CACNB4: variants seen among roughly 807,000 people sequenced by gnomAD.
CACNB4 encodes the protein voltage-dependent L-type calcium channel subunit beta-4.
Under a neutral mutation model 71.2 loss-of-function variants are expected in CACNB4, and 32 were observed. The ratio of observed to expected loss-of-function variants is 0.45; its 90% confidence interval spans 0.34 to 0.60. The LOEUF (loss-of-function observed/expected upper bound fraction) is 0.60, where lower values mean the gene tolerates loss of function less well. Among genes scored for constraint, CACNB4 ranks in the 20% least tolerant of loss-of-function variants. CACNB4 has a pLI of 0.01. For missense variants in CACNB4, 464 were observed against 647.9 expected, an observed-to-expected ratio of 0.72 and a Z score of 3.08; for synonymous variants, 231 against 236.9, an observed-to-expected ratio of 0.97 and a Z score of 0.23.
At chr2:152,085,911 A>T (rs182060379) in intron 2 of CACNB4, among the ~76,000 whole-genome samples, 5 of 152,218 alleles carry the variant, frequency 3.3e-5, no homozygotes, top group Admixed American at 3.3e-4. Flanking sequence ...TATTACATTT[A>T]TTATACCACA....
intron 2 of CACNB4, among the ~76,000 whole-genome samples, chr2:151,983,363 T>C (rs1466601755): frequency 1.3e-5 from 2 of 152,212 alleles, no homozygotes; most frequent in East Asian, 1.9e-4. Flanking sequence ...TGATTGGTCA[T>C]TTCCTTTGCA....
intron 2 of CACNB4, among the ~76,000 whole-genome samples, chr2:152,019,840 TCA>T (rs1560137223): frequency 6.6e-6 from 1 of 152,130 alleles, no homozygotes; most frequent in Non-Finnish European, 1.5e-5. Context: ...TCTGGAAATG[TCA>T]AACAACTCAC....
In CACNB4 at chr2:152,098,480, C is replaced by G; in HGVS notation, c.64-67G>C. The G allele has an allele frequency of 6.8e-7, 1 of 1,473,892 alleles. No homozygotes were observed. Among genetic ancestry groups the G allele is most frequent in the Non-Finnish European group, 9.5e-7 (1 of 1,053,910 alleles). 91.3% of individuals were successfully genotyped at this position (1,473,892 alleles called of 1,614,324 possible). A position where few individuals can be genotyped will look rare whatever the true frequency, so the allele number is the denominator to read the frequency against. On this transcript the variant is annotated intron_variant, in intron 1 of 13. Coordinates refer to ENST00000539935, the MANE Select transcript of CACNB4 (RefSeq NM_000726.5). This position sits in a 1 kb window ranked among gnomAD's most constrained non-coding sequence, Gnocchi z 5.3. ...CCGCAGCGCAGAGCGGGGCGACCACCCCCGGCTGGAGTCCGCCTCCGGACC... is the reference window on the plus strand; with the variant it reads ...CCGCAGCGCAGAGCGGGGCGACCACGCCCGGCTGGAGTCCGCCTCCGGACC...
chr2:151,854,739 C>T (rs1174624240), intron 11 of CACNB4: 2 of 152,334 alleles, frequency 1.3e-5, no homozygotes, highest in Non-Finnish European at 2.9e-5. Context: ...TTCAAGAACT[C>T]AACCTAAGCA....
intron 2 of CACNB4, among the ~76,000 whole-genome samples, chr2:152,078,031 G>A (rs950602965): frequency 6.6e-6 from 1 of 152,176 alleles, no homozygotes; most frequent in Non-Finnish European, 1.5e-5. Flanking sequence ...AGACGGCGGT[G>A]GCGCAAGCTG....
chr2:152,054,166 G>A (rs546288744), intron 2 of CACNB4, among the ~76,000 whole-genome samples: 1 of 151,754 alleles, frequency 6.6e-6, no homozygotes, highest in Non-Finnish European at 1.5e-5. Context: ...AGGAGATCGA[G>A]ACCATCCTGG....
intron 2 of CACNB4, among the ~76,000 whole-genome samples, chr2:152,054,451 A>G (rs776652870): frequency 1.9e-4 from 28 of 151,240 alleles, no homozygotes; most frequent in Non-Finnish European, 3.4e-4. Context: ...TTTTCTTCAG[A>G]CCATATTTTA....
chr2:151,863,818 C>A (rs1256370234), intron 9 of CACNB4, among the ~76,000 whole-genome samples: 1 of 150,044 alleles, frequency 6.7e-6, no homozygotes, highest in African/African-American at 2.5e-5. Flanking sequence ...TTTGCTAATA[C>A]AAGTTAGTTT....
At position 152,098,386 on chromosome 2, in the gene CACNB4, T is replaced by G. The variant is rs773391545; in HGVS notation, c.91A>C (p.Ser31Arg). The part of the protein sequence containing the change: ...QVARGTTTRR[S>R]RLKRSDGSTT... ...CTGCCATCGGATCTTTTCAACCTGCTCCTCCGGGTTGTGGTGCCTCGGGCC... is the reference window on the plus strand; with the variant it reads ...CTGCCATCGGATCTTTTCAACCTGCGCCTCCGGGTTGTGGTGCCTCGGGCC... Residue 31 changes from serine to arginine, a missense_variant, in exon 2 of 14, where the codon AGC (serine) becomes CGC (arginine). By Grantham distance (110) the Ser-to-Arg change is moderately radical. Coordinates refer to ENST00000539935, the MANE Select transcript of CACNB4 (RefSeq NM_000726.5). This position sits in a 1 kb window ranked among gnomAD's most constrained non-coding sequence, Gnocchi z 5.3. The G allele has an allele frequency of 9.2e-5, 148 of 1,613,498 alleles. 1 individual carries two copies. The highest frequency in any genetic ancestry group is 1.2e-4 in the Non-Finnish European group (145 of 1,179,636).
chr2:151,886,076 G>A (rs1278146271), intron 2 of CACNB4, among the ~76,000 whole-genome samples: 2 of 152,094 alleles, frequency 1.3e-5, no homozygotes, highest in Non-Finnish European at 2.9e-5. Context: ...GCCTCCCAAA[G>A]TGCTGGGATT....
intron 2 of CACNB4, among the ~76,000 whole-genome samples, chr2:151,951,433 C>A (rs756709145): frequency 1.3e-5 from 2 of 152,128 alleles, no homozygotes; most frequent in Non-Finnish European, 2.9e-5. Flanking sequence ...CAGCCCCAGA[C>A]GACCACATTT....
At chr2:151,882,660 T>C (rs1050332493) in intron 3 of CACNB4, among the ~76,000 whole-genome samples, 1 of 152,208 alleles carries the variant, frequency 6.6e-6, no homozygotes, top group African/African-American at 2.4e-5. Context: ...CTTTCAACCA[T>C]GCAGTTGGCT....
chr2:151,838,694 T>C lies in CACNB4; in HGVS notation c.*425A>G, dbSNP rs2151311902. On this transcript the variant is annotated 3_prime_UTR_variant, in exon 14 of 14. Transcript: ENST00000539935. Reference sequence around the variant, plus strand: ...TTTTTTTTCCCCCCAGATTTTTCAGTTGATTACAACATGCTCAAGTAGACT... The same window carrying C: ...TTTTTTTTCCCCCCAGATTTTTCAGCTGATTACAACATGCTCAAGTAGACT... 6.5e-6 allele frequency: 1 copy of C among 153,452 alleles called. No homozygotes were observed. Among genetic ancestry groups the C allele is most frequent in the East Asian group, 1.9e-4 (1 of 5,214 alleles). 9.5% of individuals were successfully genotyped at this position (153,452 alleles called of 1,614,324 possible).
At chr2:151,999,604 T>C (rs1264979443) in intron 2 of CACNB4, among the ~76,000 whole-genome samples, 1 of 152,204 alleles carries the variant, frequency 6.6e-6, no homozygotes, top group Non-Finnish European at 1.5e-5. Flanking sequence ...CCTTGGGTGA[T>C]TCTGACGCAC....
At chr2:152,089,023 T>G (rs976557826) in intron 2 of CACNB4, among the ~76,000 whole-genome samples, 5 of 152,216 alleles carry the variant, frequency 3.3e-5, no homozygotes, top group Non-Finnish European at 5.9e-5. Flanking sequence ...ATAATTCAGC[T>G]TTTTCATGAA....
chr2:151,843,244 C>T (rs1176861720), intron 12 of CACNB4, among the ~76,000 whole-genome samples: 2 of 152,208 alleles, frequency 1.3e-5, no homozygotes, highest in Non-Finnish European at 2.9e-5. Context: ...CAGAGGGAAA[C>T]CAGAAAACTT....
intron 2 of CACNB4, among the ~76,000 whole-genome samples, chr2:151,957,474 T>C (rs898479735): frequency 6.6e-6 from 1 of 151,994 alleles, no homozygotes; most frequent in Non-Finnish European, 1.5e-5. Context: ...GGGAGATGAA[T>C]AAACCAATTA....
intron 2 of CACNB4, among the ~76,000 whole-genome samples, chr2:151,978,079 G>A (rs2151745299): frequency 6.6e-6 from 1 of 152,210 alleles, no homozygotes; most frequent in East Asian, 1.9e-4. Flanking sequence ...CATCAGATAG[G>A]TGGTAGCAAC....
chr2:151,882,951 T>G (rs1336775591), intron 3 of CACNB4: 1 of 396,282 alleles, frequency 2.5e-6, no homozygotes, highest in Non-Finnish European at 4.8e-6. Context: ...CAGGGCCAGC[T>G]GGTGCCTGGG....
Sources: allele counts gnomAD v4.1 joint callset (sites outside exome capture counted in the v4.1 genomes callset), GRCh38; gene constraint gnomAD v4.1.1; non-coding constraint Gnocchi (gnomAD v3.1); transcripts MANE v1.5; gene names NCBI Gene and HGNC (gene_info 2026-07-23, HGNC 2026-07-21).